The following COL5A2 variants were observed in gnomAD, a reference collection of about 807,000 sequenced individuals.
COL5A2 encodes collagen alpha-2(V) chain.
A neutral mutation model predicts 208.2 loss-of-function variants in COL5A2; 23 were observed. The observed-to-expected ratio is 0.11, with a 90% CI of 0.08 to 0.16. The LOEUF (loss-of-function observed/expected upper bound fraction) is 0.16. COL5A2 is among the 10% of genes least tolerant of loss of function. COL5A2 has a pLI of 1.00. For missense variants in COL5A2, 1,590 were observed against 1,956.4 expected (o/e 0.81, Z 3.53); for synonymous variants, 625 against 628.5 (o/e 0.99, Z 0.08).
upstream of COL5A2, among the ~76,000 whole-genome samples, chr2:189,183,803 C>T (rs990129640): frequency 3.3e-5 from 5 of 152,072 alleles, no homozygotes; most frequent in African/African-American, 1.2e-4. Context: ...ATAATGCATG[C>T]CTATTTCTTG....
chr2:189,098,039 C>CCCCCG (rs1463596055), intron 5 of COL5A2, among the ~76,000 whole-genome samples: 1 of 152,060 alleles, frequency 6.6e-6, no homozygotes, highest in Non-Finnish European at 1.5e-5. Flanking sequence ...TGTTTTTCCC[C>CCCCCG]CCCTGGGAAA....
At chr2:189,072,488 G>C (rs923526737) in intron 17 of COL5A2, among the ~76,000 whole-genome samples, 2 of 152,008 alleles carry the variant, frequency 1.3e-5, no homozygotes, top group African/African-American at 4.8e-5. Context: ...GAACCATCTG[G>C]AGGCCAGGCA....
chr2:189,295,378 G>A, the COL5A2 span, among the ~76,000 whole-genome samples: 1 of 152,072 alleles, frequency 6.6e-6, no homozygotes, highest in African/African-American at 2.4e-5. Flanking sequence ...CCAAGGTTGG[G>A]GGGTGGATCA....
At chr2:189,191,163 C>CAAAAAA (rs1553526772) in intron 1 of COL5A2, among the ~76,000 whole-genome samples, 5 of 72,270 alleles carry the variant, frequency 6.9e-5, no homozygotes, top group Admixed American at 1.5e-4. Context: ...AAAAAACAAA[C>CAAAAAA]AAACAACAAA....
chr2:189,086,637 A>G (rs576758933), intron 9 of COL5A2, 89 bp downstream of exon 9: 75 of 1,044,806 alleles, frequency 7.2e-5, no homozygotes, highest in Middle Eastern at 4.7e-4. Context: ...AAAACCAGCC[A>G]AAAGCAGTCA....
chr2:189,130,607 T>C (rs892784569), intron 1 of COL5A2, among the ~76,000 whole-genome samples: 1 of 151,844 alleles, frequency 6.6e-6, no homozygotes, highest in Non-Finnish European at 1.5e-5. Flanking sequence ...AATGAGGAAA[T>C]AAAATCAGAG....
At chr2:189,041,714 A>G (rs1685566252) in intron 49 of COL5A2, 21 bp from the exon 50 acceptor site, 1 of 1,576,434 alleles carries the variant, frequency 6.3e-7, no homozygotes, top group Admixed American at 1.7e-5. Context: ...CAAAGACTGT[A>G]GTTTAGATTC....
the COL5A2 span, among the ~76,000 whole-genome samples, chr2:189,232,763 C>T: frequency 4.0e-4 from 60 of 151,662 alleles, no homozygotes; most frequent in Non-Finnish European, 7.7e-4. Context: ...ACTTCCCTTG[C>T]CCTTTCTCCC....
At chr2:189,341,152 A>G in the COL5A2 span, among the ~76,000 whole-genome samples, 1 of 152,224 alleles carries the variant, frequency 6.6e-6, no homozygotes, top group Non-Finnish European at 1.5e-5. Flanking sequence ...AAGAACATCT[A>G]GAAATTTGTG....
chr2:189,314,643 A>G, the COL5A2 span, among the ~76,000 whole-genome samples: 4 of 152,210 alleles, frequency 2.6e-5, no homozygotes, highest in African/African-American at 9.6e-5. Flanking sequence ...CAAAAAATCC[A>G]GGAGCTAGTT....
At chr2:189,231,203 A>C in the COL5A2 span, among the ~76,000 whole-genome samples, 2 of 149,790 alleles carry the variant, frequency 1.3e-5, no homozygotes, top group Non-Finnish European at 3.0e-5. Context: ...CTTTTCAGTC[A>C]TATAAAGTTT....
the COL5A2 span, among the ~76,000 whole-genome samples, chr2:189,394,821 C>T: frequency 6.6e-6 from 1 of 152,150 alleles, no homozygotes; most frequent in African/African-American, 2.4e-5. Context: ...ATAATTCTAT[C>T]TAATTGAAAT....
intron 1 of COL5A2, among the ~76,000 whole-genome samples, chr2:189,153,175 A>G (rs1473414756): frequency 6.6e-6 from 1 of 152,160 alleles, no homozygotes; most frequent in Non-Finnish European, 1.5e-5. Flanking sequence ...CATTACATGC[A>G]ATTCTCAGAT....
At chr2:189,205,182 A>G (rs1689127848) in intron 1 of COL5A2, among the ~76,000 whole-genome samples, 1 of 152,240 alleles carries the variant, frequency 6.6e-6, no homozygotes, top group Admixed American at 6.5e-5. Flanking sequence ...AACACAGCTT[A>G]TTCTGTTTCC....
chr2:189,148,420 G>A (rs9288163), intron 1 of COL5A2, among the ~76,000 whole-genome samples: 24,995 of 151,992 alleles, frequency 0.16, 3,045 homozygotes, highest in African/African-American at 0.35. Flanking sequence ...AGGGAGGTAA[G>A]AACTCTGGAT....
At chr2:189,045,306 A>T in intron 46 of COL5A2, 74 bp from the exon 47 acceptor site, 1 of 959,354 alleles carries the variant, frequency 1.0e-6, no homozygotes, top group Non-Finnish European at 1.7e-6. Flanking sequence ...ACAGGATGTC[A>T]ACAATACGTT....
chr2:189,136,210 T>A (rs1687823559), intron 1 of COL5A2, among the ~76,000 whole-genome samples: 1 of 152,182 alleles, frequency 6.6e-6, no homozygotes, highest in Non-Finnish European at 1.5e-5. Context: ...GGAAATTAAT[T>A]TGTGTATAAA....
At chr2:189,047,950 T>C (rs1685704389) in intron 45 of COL5A2, among the ~76,000 whole-genome samples, 2 of 152,216 alleles carry the variant, frequency 1.3e-5, no homozygotes, top group African/African-American at 4.8e-5. Context: ...TATATCCTCA[T>C]CCAAAGCCTT....
At chr2:189,058,669 A>C (rs1458562507) in intron 32 of COL5A2, 142 bp from the exon 33 acceptor site, 8 of 957,536 alleles carry the variant, frequency 8.4e-6, no homozygotes, top group Non-Finnish European at 1.3e-5. Flanking sequence ...AGTGATAAGA[A>C]ATAAATTTGA....
Sources: gnomAD v4.1 joint callset for allele counts (sites outside exome capture counted in the v4.1 genomes callset) on GRCh38, gnomAD v4.1.1 for gene constraint, MANE v1.5 for transcripts, NCBI Gene and HGNC (gene_info 2026-07-23, HGNC 2026-07-21) for gene names.